Variants in MSN observed in about 807,000 individuals in gnomAD.
The protein encoded by MSN is epididymis luminal protein 70.
A neutral mutation model predicts 48.0 loss-of-function variants in MSN; 2 were observed. The observed-to-expected ratio is 0.04, with a 90% confidence interval of 0.02 to 0.13. The LOEUF is 0.13. Among genes scored for constraint, MSN ranks in the 10% least tolerant of loss-of-function variants. The pLI is 1.00. For synonymous variants in MSN, 146 were observed against 166.9 expected (o/e 0.87, Z 0.97); for missense variants, 267 against 470.1 (o/e 0.57, Z 3.99).
At chrX:65,630,684 G>A (rs1045239560) in intron 1 of MSN, among the ~76,000 whole-genome samples, 22 of 111,138 alleles carry the variant, frequency 2.0e-4, no homozygotes, top group Non-Finnish European at 4.0e-4. Flanking sequence ...TTACCCCAGC[G>A]CTAGGCAACC....
At chrX:65,656,979 A>G (rs943703409) in intron 1 of MSN, among the ~76,000 whole-genome samples, 4 of 112,037 alleles carry the variant, frequency 3.6e-5, no homozygotes, top group African/African-American at 1.3e-4. Context: ...ATCACCATGA[A>G]GATCACCAAA....
upstream of MSN, among the ~76,000 whole-genome samples, chrX:65,665,345 T>A (rs1175612854): frequency 2.7e-5 from 3 of 112,197 alleles, no homozygotes; most frequent in African/African-American, 9.7e-5. Flanking sequence ...CTGTCATTGC[T>A]ACTCCTGCTG....
At chrX:65,668,412 G>A (rs895393520) in intron 1 of MSN, among the ~76,000 whole-genome samples, 3 of 111,752 alleles carry the variant, frequency 2.7e-5, no homozygotes, top group Non-Finnish European at 5.7e-5. Context: ...AATCGTCATC[G>A]AGGCTGCACC....
intron 1 of MSN, among the ~76,000 whole-genome samples, chrX:65,654,103 CTT>C (rs776587090): frequency 7.4e-5 from 5 of 67,684 alleles, no homozygotes; most frequent in Non-Finnish European, 1.1e-4. Flanking sequence ...GGAGACCCTT[CTT>C]TTTTTTTTTT....
chrX:65,623,975 G>A (rs772685567), intron 1 of MSN, among the ~76,000 whole-genome samples: 1 of 110,496 alleles, frequency 9.1e-6, no homozygotes, highest in South Asian at 3.7e-4. Flanking sequence ...TGTGTTTCTA[G>A]GAATTTGTCC....
intron 1 of MSN, among the ~76,000 whole-genome samples, chrX:65,619,759 G>A (rs1278663011): frequency 3.7e-5 from 4 of 109,426 alleles, no homozygotes; most frequent in Admixed American, 9.5e-5. Context: ...GAGGAACTGC[G>A]TTCCTTTGGA....
chrX:65,675,617 T>C (rs1208457626), intron 1 of MSN, among the ~76,000 whole-genome samples: 1 of 111,142 alleles, frequency 9.0e-6, no homozygotes, highest in Non-Finnish European at 1.9e-5. Flanking sequence ...ACCATACCTT[T>C]GGTTTTCCAG....
chrX:65,608,874 G>T (rs2070298098), intron 1 of MSN, among the ~76,000 whole-genome samples: 1 of 110,368 alleles, frequency 9.1e-6, no homozygotes, highest in African/African-American at 3.3e-5. Context: ...GCTCACAATA[G>T]GTGCTCAAGA....
At chrX:65,661,812 G>A (rs1205684201) in intron 1 of MSN, among the ~76,000 whole-genome samples, 1 of 112,108 alleles carries the variant, frequency 8.9e-6, no homozygotes, top group Non-Finnish European at 1.9e-5. Context: ...CTGAGGTCAG[G>A]AGTTCCAGAC....
At chrX:65,613,985 T>C (rs1032787187) in intron 1 of MSN, among the ~76,000 whole-genome samples, 2 of 112,027 alleles carry the variant, frequency 1.8e-5, no homozygotes, top group African/African-American at 6.5e-5. Context: ...GGTTTTCTTC[T>C]AGGGTTTTTA....
chrX:65,620,793 A>AT (rs1179419727), intron 1 of MSN, among the ~76,000 whole-genome samples: 16 of 101,607 alleles, frequency 1.6e-4, no homozygotes, highest in Admixed American at 2.1e-4. Flanking sequence ...CAATTTACCT[A>AT]TTTTTTTTTC....
chrX:65,631,117 A>AC (rs1396431462), intron 1 of MSN, among the ~76,000 whole-genome samples: 2 of 104,035 alleles, frequency 1.9e-5, no homozygotes, highest in Non-Finnish European at 3.9e-5. Context: ...TTTGTCTGAG[A>AC]CAGAGTCTCG....
At chrX:65,619,967 G>A (rs745404594) in intron 1 of MSN, among the ~76,000 whole-genome samples, 9 of 111,089 alleles carry the variant, frequency 8.1e-5, no homozygotes, top group South Asian at 3.8e-4. Flanking sequence ...GTACCCGGCC[G>A]TGTGAGGTGT....
chrX:65,625,730 C>T (rs1025721111), intron 1 of MSN: 1 of 111,190 alleles, frequency 9.0e-6, no homozygotes, highest in Non-Finnish European at 1.9e-5. Context: ...CCAATTTCTG[C>T]CTTTTGATTG....
At chrX:65,667,526 G>A (rs1011576121), upstream of MSN, 2 of 630,914 alleles carry the variant, frequency 3.2e-6, no homozygotes, top group Admixed American at 8.3e-5. Context: ...GCTGTGGCCT[G>A]GCTGCGCCGG....
At chrX:65,600,441 G>T (rs191094905) in intron 1 of MSN, among the ~76,000 whole-genome samples, 5 of 111,973 alleles carry the variant, frequency 4.5e-5, no homozygotes, top group Non-Finnish European at 7.5e-5. Context: ...ATCTTAAAGT[G>T]CAGGAATAAG....
At chrX:65,687,555 A>G (rs747596000) in intron 1 of MSN, among the ~76,000 whole-genome samples, 1 of 111,550 alleles carries the variant, frequency 9.0e-6, no homozygotes, top group South Asian at 3.7e-4. Flanking sequence ...ATAGAGTATT[A>G]CTCTTATGTT....
At chrX:65,657,286 G>A (rs2148377662) in intron 1 of MSN, among the ~76,000 whole-genome samples, 1 of 111,498 alleles carries the variant, frequency 9.0e-6, no homozygotes, top group South Asian at 3.8e-4. Flanking sequence ...GGGGAGAGGA[G>A]GGTGAGCACC....
rs141113179 is a variant in MSN, at chrX:65,659,964, G to A, written c.-21-56854G>A. Among the ~76,000 whole-genome samples the A allele has an allele frequency of 5.9e-3, 648 of 110,205 alleles. 3 individuals are homozygous for A. Among genetic ancestry groups the A allele is most frequent in the Middle Eastern group, 9.2e-3 (2 of 217 alleles). The stretch of plus-strand genomic sequence containing the variant: ...TCTCAGTTCAAATAGGATCACAGTA[G>A]GGGGTAAGGTGGGGGGACTATCAGA... On this transcript the variant is annotated intron_variant, in intron 1 of 3. Transcript: ENST00000609672.
Sources: allele counts gnomAD v4.1 joint callset (sites outside exome capture counted in the v4.1 genomes callset), GRCh38; gene constraint gnomAD v4.1.1; transcripts MANE v1.5; gene names NCBI Gene and HGNC (gene_info 2026-07-23, HGNC 2026-07-21).